FREM1: variants seen among roughly 807,000 people sequenced by gnomAD.
FREM1 encodes FRAS1 related extracellular matrix 1, also known as FRAS1-related extracellular matrix protein 1.
Under a neutral mutation model 210.1 loss-of-function variants are expected in FREM1, and 220 were observed. That is an observed-to-expected ratio of 1.05 (90% CI 0.94 to 1.17). The LOEUF is 1.17. Ranked by LOEUF, FREM1 falls within the 50% of genes most tolerant of loss-of-function variation. The pLI, the probability that FREM1 is intolerant of heterozygous loss-of-function variation, is 0.00. For synonymous variants in FREM1, 1,189 were observed against 980.2 expected (o/e 1.21, Z -3.98); for missense variants, 3,454 against 2,675.5 (o/e 1.29, Z -6.42).
intron 23 of FREM1, among the ~76,000 whole-genome samples, chr9:14,785,959 A>G: frequency 6.6e-6 from 1 of 152,154 alleles, no homozygotes; most frequent in East Asian, 1.9e-4. Context: ...TGACTGAGGA[A>G]GGTAGAAGTG....
At position 14,848,830 on chromosome 9, in the gene FREM1, C is replaced by A. The variant is rs187180356; in HGVS notation, c.1153-57G>T. On this transcript the variant is annotated intron_variant, in intron 6 of 36. Transcript: ENST00000380880. ...ACTGAAGCGTTACAGGGTAAAGTAG[C>A]ATTAATTCTGGGTTATACCCACACA... 353 of 1,079,670 alleles carry A rather than the reference C, an allele frequency of 3.3e-4. 8 individuals carry two copies. In the South Asian group the frequency reaches 4.5e-3, roughly 14 times the overall value. 66.9% of individuals were successfully genotyped at this position (1,079,670 alleles called of 1,614,324 possible).
At position 14,860,674 on chromosome 9, in the gene FREM1, C is replaced by CACATAT. The variant is rs1267108072; in HGVS notation, c.330-1196_330-1191dup. On this transcript the variant is annotated intron_variant, in intron 3 of 36. Coordinates refer to ENST00000380880, the MANE Select transcript of FREM1 (RefSeq NM_001379081.2). ...ATATACACATATATACATATATACA[C>CACATAT]ACATATATACACATATATACACACA... 2.1e-3 allele frequency among the ~76,000 whole-genome samples: 233 copies of CACATAT among 109,856 alleles called. 2 individuals are homozygous for CACATAT. The highest frequency in any genetic ancestry group is 0.01 in the African/African-American group (220 of 21,642). The allele number at this position is 109,856 out of a possible 152,430, so 72.1% of individuals were successfully genotyped here. A position where few individuals can be genotyped will look rare whatever the true frequency, so the allele number is the denominator to read the frequency against.
chr9:14,769,799 G>A lies in FREM1; in HGVS notation c.5129C>T (p.Pro1710Leu), dbSNP rs200167038. 118 of 1,609,720 alleles carry A rather than the reference G, an allele frequency of 7.3e-5. No homozygotes were observed. The African/African-American group carries it at 1.5e-3, about 20-fold the overall frequency. The change falls in exon 27 of 37, where the codon CCA becomes CTA. Residue 1710 changes from proline to leucine, a missense_variant. Transcript: ENST00000380880. ...NSKTILYIIN[P>L]SLEVNSDTVE... ...GGTATCTGAATTTACTTCCAAAGAT[G>A]GGTTTATGATGTAAAGAATAGTCTT...
chr9:14,867,330 G>T (rs145507941), intron 2 of FREM1, among the ~76,000 whole-genome samples: 46 of 152,284 alleles, frequency 3.0e-4, no homozygotes, highest in African/African-American at 1.1e-3. Flanking sequence ...CATTCAGAAT[G>T]CAAGTATAAT....
chr9:14,813,617 G>A (rs1819779924), intron 15 of FREM1, among the ~76,000 whole-genome samples: 1 of 152,164 alleles, frequency 6.6e-6, no homozygotes, highest in East Asian at 1.9e-4. Context: ...TTCAATCAAT[G>A]CCAGGTTTCA....
chr9:14,739,641 T>C (rs1841155036), intron 36 of FREM1, among the ~76,000 whole-genome samples: 1 of 150,722 alleles, frequency 6.6e-6, no homozygotes, highest in Non-Finnish European at 1.5e-5. Flanking sequence ...TATATGGATG[T>C]GGACCCTGCA....
intron 21 of FREM1, among the ~76,000 whole-genome samples, chr9:14,795,359 T>C (rs112917520): frequency 6.6e-6 from 1 of 152,132 alleles, no homozygotes; most frequent in Non-Finnish European, 1.5e-5. Context: ...CTGAACTGAG[T>C]CAATCTGACT....
intron 13 of FREM1, among the ~76,000 whole-genome samples, chr9:14,820,256 C>G (rs964809553): frequency 1.3e-5 from 2 of 152,146 alleles, no homozygotes; most frequent in Admixed American, 6.5e-5. Flanking sequence ...GGAGGAAAAC[C>G]TGCTAACTTT....
chr9:14,883,712 A>C (rs762359460), intron 1 of FREM1, among the ~76,000 whole-genome samples: 7 of 152,236 alleles, frequency 4.6e-5, no homozygotes, highest in Non-Finnish European at 8.8e-5. Flanking sequence ...GCCAACTTCT[A>C]CATGAAAAAC....
chr9:14,789,176 G>C (rs1850892499), intron 22 of FREM1, 62 bp from the exon 23 acceptor site: 1 of 1,131,624 alleles, frequency 8.8e-7, no homozygotes, highest in East Asian at 2.7e-5. Context: ...ACGTACGTTA[G>C]TGGACATTTT....
chr9:14,807,122 C>T (rs1253088702), intron 17 of FREM1, among the ~76,000 whole-genome samples: 2 of 152,164 alleles, frequency 1.3e-5, no homozygotes, highest in Admixed American at 1.3e-4. Context: ...CTAACTGTTC[C>T]AGCACAGCCC....
chr9:14,848,868 T>A, intron 6 of FREM1, 95 bp from the exon 7 acceptor site: 1 of 621,854 alleles, frequency 1.6e-6, no homozygotes, highest in Admixed American at 2.4e-5. Flanking sequence ...GTGGATTCAG[T>A]TTTCTGCGGG....
At chr9:14,804,720 T>C (rs763218614) in intron 19 of FREM1, among the ~76,000 whole-genome samples, 1 of 152,170 alleles carries the variant, frequency 6.6e-6, no homozygotes, top group Non-Finnish European at 1.5e-5. Context: ...GAATCATCTG[T>C]AGATTTTTTT....
At position 14,869,054 on chromosome 9, in the gene FREM1, A is replaced by G. The variant is rs1832097589; in HGVS notation, c.-77T>C. 2.0e-6 allele frequency: 2 copies of G among 1,015,484 alleles called. No homozygotes were observed. Among genetic ancestry groups the G allele is most frequent in the Non-Finnish European group, 2.8e-6 (2 of 703,814 alleles). The allele number at this position is 1,015,484 out of a possible 1,614,324, so 62.9% of individuals were successfully genotyped here. On this transcript the variant is annotated 5_prime_UTR_variant, in exon 2 of 37. Coordinates refer to ENST00000380880, the MANE Select transcript of FREM1 (RefSeq NM_001379081.2). ...GGAGGGCTTCTGTGCTTCCTCCTGG[A>G]GGGTCAGCTCATAGTCCAAGGGGCA...
intron 1 of FREM1, among the ~76,000 whole-genome samples, chr9:14,893,051 G>A (rs1299118716): frequency 6.6e-6 from 1 of 152,154 alleles, no homozygotes; most frequent in Non-Finnish European, 1.5e-5. Flanking sequence ...CTTCCTTCGT[G>A]TTGCGGCTTG....
At chr9:14,766,687 A>G (rs1846476079) in intron 27 of FREM1, among the ~76,000 whole-genome samples, 1 of 152,188 alleles carries the variant, frequency 6.6e-6, no homozygotes, top group African/African-American at 2.4e-5. Flanking sequence ...CCCGTGCTCT[A>G]AAACAGGTCC....
intron 8 of FREM1, among the ~76,000 whole-genome samples, chr9:14,845,536 C>A (rs1407849875): frequency 6.6e-6 from 1 of 152,204 alleles, no homozygotes; most frequent in Non-Finnish European, 1.5e-5. Flanking sequence ...AACTCCTGAC[C>A]TCAGGTGATC....
intron 1 of FREM1, among the ~76,000 whole-genome samples, chr9:14,905,709 C>T (rs950528975): frequency 1.3e-5 from 2 of 152,038 alleles, no homozygotes; most frequent in Admixed American, 6.6e-5. Flanking sequence ...GCCAACATGG[C>T]AAAACCCTGT....
rs1169611171 is a variant in FREM1 at position 14,778,607 on chromosome 9, C to CA, written c.4443-2405dup. The stretch of plus-strand genomic sequence containing the variant: ...TGGGCAACAGACAGAGAACCTGTCT[C>CA]AAAAAAAAAAAAAAAAAAAAAAAGA... On this transcript the variant is annotated intron_variant, in intron 24 of 36. Coordinates refer to ENST00000380880, the MANE Select transcript of FREM1 (RefSeq NM_001379081.2). Among the ~76,000 whole-genome samples the CA allele has an allele frequency of 3.0e-3, 93 of 31,246 alleles. 4 individuals carry two copies. Among genetic ancestry groups the CA allele is most frequent in the African/African-American group, 7.4e-3 (59 of 8,006 alleles). 20.5% of individuals were successfully genotyped at this position (31,246 alleles called of 152,430 possible).
Sources: gnomAD v4.1 joint callset for allele counts (sites outside exome capture counted in the v4.1 genomes callset) on GRCh38, gnomAD v4.1.1 for gene constraint, MANE v1.5 for transcripts, NCBI Gene and HGNC (gene_info 2026-07-23, HGNC 2026-07-21) for gene names.